SLC44A1: variants seen among roughly 807,000 people sequenced by gnomAD.
SLC44A1 encodes the protein solute carrier family 44 member 1.
SLC44A1 carries 26 observed loss-of-function variants against 79.3 expected under a neutral mutation model. The observed-to-expected ratio is 0.33, with a 90% CI of 0.24 to 0.46. The LOEUF (loss-of-function observed/expected upper bound fraction) is 0.46, where lower values mean the gene tolerates loss of function less well. SLC44A1 is among the 20% of genes least tolerant of loss of function. The probability of loss-of-function intolerance (pLI) is 1.00; values close to 1 mark genes in which losing one functional copy is unlikely to be tolerated. For missense variants in SLC44A1, 688 were observed against 798.1 expected (o/e 0.86, Z 1.66); for synonymous variants, 263 against 286.2 (o/e 0.92, Z 0.82).
chr9:105,428,853 G>A (rs1329721625), intron 15 of SLC44A1, among the ~76,000 whole-genome samples: 3 of 152,038 alleles, frequency 2.0e-5, no homozygotes, highest in Non-Finnish European at 4.4e-5. Context: ...CTACAGGCAC[G>A]CGCCACCACG....
chr9:105,329,241 A>C (rs2131347381), intron 3 of SLC44A1, among the ~76,000 whole-genome samples: 1 of 152,364 alleles, frequency 6.6e-6, no homozygotes, highest in East Asian at 1.9e-4. Flanking sequence ...GAAAATGATC[A>C]GACTCCATTT....
At chr9:105,305,796 A>C (rs1003490559) in intron 2 of SLC44A1, among the ~76,000 whole-genome samples, 3 of 150,786 alleles carry the variant, frequency 2.0e-5, no homozygotes, top group African/African-American at 7.3e-5. Context: ...ACTTAGTAAA[A>C]GCTCTATGTG....
chr9:105,299,329 T>C lies in SLC44A1; in HGVS notation c.126+20T>C, dbSNP rs1381955826. The C allele has an allele frequency of 1.3e-6, 2 of 1,508,352 alleles. No homozygotes were observed. The highest frequency in any genetic ancestry group is 2.8e-5 in the African/African-American group (2 of 70,266). The allele number at this position is 1,508,352 out of a possible 1,614,324, so 93.4% of individuals were successfully genotyped here. ...GGGATGGTAAGGAAACTCTCACAGA[T>C]GGTCCAAACTGGACTCATGATCCAA... On this transcript the variant is annotated intron_variant, in intron 2 of 15. Coordinates refer to ENST00000374720, the MANE Select transcript of SLC44A1 (RefSeq NM_080546.5).
intron 3 of SLC44A1, among the ~76,000 whole-genome samples, chr9:105,316,822 A>G (rs1321781047): frequency 6.6e-6 from 1 of 152,226 alleles, no homozygotes; most frequent in Non-Finnish European, 1.5e-5. Context: ...TACTTTCCTA[A>G]TGTTGCTGTA....
At position 105,378,980 on chromosome 9, in the gene SLC44A1, G is replaced by T. The variant is rs921173148; in HGVS notation, c.1633-4143G>T. 1.1e-4 allele frequency among the ~76,000 whole-genome samples: 16 copies of T among 152,306 alleles called. No individual in the cohort carries two copies. In the East Asian group the frequency reaches 3.1e-3, roughly 29 times the overall value. On this transcript the variant is annotated intron_variant, in intron 13 of 15. Transcript: ENST00000374720. The stretch of plus-strand genomic sequence containing the variant: ...GAAGATTAATTCCATTTATATAATA[G>T]AAATGACAACAGGGCTGGGCTCTGT...
intron 7 of SLC44A1, 42 bp downstream of exon 7, chr9:105,358,475 C>A: frequency 1.0e-6 from 1 of 985,192 alleles, no homozygotes; most frequent in Non-Finnish European, 1.6e-6. Context: ...AGCCTCTTAA[C>A]TACTTTGGTA....
At chr9:105,334,647 G>C (rs1826855414) in intron 3 of SLC44A1, among the ~76,000 whole-genome samples, 1 of 152,112 alleles carries the variant, frequency 6.6e-6, no homozygotes, top group African/African-American at 2.4e-5. Flanking sequence ...CTTGATCCGT[G>C]TTATTGCACT....
At chr9:105,270,924 G>C (rs112631562) in intron 1 of SLC44A1, among the ~76,000 whole-genome samples, 4 of 152,298 alleles carry the variant, frequency 2.6e-5, no homozygotes, top group East Asian at 1.9e-4. Flanking sequence ...TGAGACAGGC[G>C]TTTCTGAACA....
At chr9:105,331,679 C>T (rs1392896461) in intron 3 of SLC44A1, among the ~76,000 whole-genome samples, 2 of 152,048 alleles carry the variant, frequency 1.3e-5, no homozygotes. Flanking sequence ...AAGCATGTTG[C>T]CATGGATTGG....
chr9:105,333,400 CA>C (rs1826814943), intron 3 of SLC44A1, among the ~76,000 whole-genome samples: 2 of 152,262 alleles, frequency 1.3e-5, no homozygotes, highest in South Asian at 4.1e-4. Flanking sequence ...AAACACACAA[CA>C]GAATTACTGT....
At chr9:105,425,371 A>G (rs1349960298) in intron 15 of SLC44A1, among the ~76,000 whole-genome samples, 1 of 152,232 alleles carries the variant, frequency 6.6e-6, no homozygotes, top group African/African-American at 2.4e-5. Flanking sequence ...TTTGTGATGA[A>G]ATGTCGTAAA....
At position 105,360,147 on chromosome 9, in the gene SLC44A1, A is replaced by G. The variant is rs1000839413; in HGVS notation, c.761-1044A>G. Reference sequence around the variant, plus strand: ...ACAATGGTCTTCTTTCTCTCATACTAGGCATGGTTCTACCTCAGTCTCTTT... The same window carrying G: ...ACAATGGTCTTCTTTCTCTCATACTGGGCATGGTTCTACCTCAGTCTCTTT... On this transcript the variant is annotated intron_variant, in intron 7 of 15. Transcript: ENST00000374720. Among the ~76,000 whole-genome samples the G allele has an allele frequency of 2.6e-5, 4 of 151,680 alleles. No individual in the cohort carries two copies. In the East Asian group the frequency reaches 7.8e-4, roughly 29 times the overall value.
chr9:105,319,068 T>C (rs1826300796), intron 3 of SLC44A1, among the ~76,000 whole-genome samples: 1 of 152,106 alleles, frequency 6.6e-6, no homozygotes, highest in Admixed American at 6.5e-5. Context: ...GCTTCAACTA[T>C]GAGTTTGATG....
chr9:105,392,890 C>A lies in SLC44A1; in HGVS notation c.*3834C>A. 2 of 985,304 alleles carry A rather than the reference C, an allele frequency of 2.0e-6. No individual in the cohort carries two copies. Among genetic ancestry groups the A allele is most frequent in the Non-Finnish European group, 2.4e-6 (2 of 829,812 alleles). The allele number at this position is 985,304 out of a possible 1,614,324, so 61.0% of individuals were successfully genotyped here. The stretch of plus-strand genomic sequence containing the variant: ...TAACATGGCCTCTGAGAAGTTTCCT[C>A]CAGAAAGGTCTTTAAGCTTTCGCTT... On this transcript the variant is annotated 3_prime_UTR_variant, in exon 16 of 16. Coordinates refer to ENST00000374720, the MANE Select transcript of SLC44A1 (RefSeq NM_080546.5).
intron 14 of SLC44A1, among the ~76,000 whole-genome samples, chr9:105,384,581 G>A (rs1054482588): frequency 3.9e-5 from 6 of 152,068 alleles, no homozygotes; most frequent in Non-Finnish European, 8.8e-5. Context: ...CTAAATTCTG[G>A]ACATTTTCTT....
intron 3 of SLC44A1, among the ~76,000 whole-genome samples, chr9:105,314,232 G>A (rs574969286): frequency 1.3e-5 from 2 of 152,210 alleles, no homozygotes; most frequent in South Asian, 4.2e-4. Flanking sequence ...GAGAAGATTG[G>A]GGTGAGGGCA....
At chr9:105,276,620 ATG>A (rs1307976817) in intron 1 of SLC44A1, among the ~76,000 whole-genome samples, 4 of 58,568 alleles carry the variant, frequency 6.8e-5, no homozygotes, top group African/African-American at 2.3e-4. Context: ...GTGTGTGTGT[ATG>A]TGCCTGCAGT....
chr9:105,264,295 C>A (rs753925191), intron 1 of SLC44A1, among the ~76,000 whole-genome samples: 1 of 152,098 alleles, frequency 6.6e-6, no homozygotes, highest in African/African-American at 2.4e-5. Flanking sequence ...TCCTGAATAG[C>A]GGGGACCACA....
At chr9:105,323,215 CAAAAAAA>C (rs575818228) in intron 3 of SLC44A1, among the ~76,000 whole-genome samples, 12 of 76,594 alleles carry the variant, frequency 1.6e-4, no homozygotes, top group South Asian at 1.2e-3. Flanking sequence ...AACTCCATCT[CAAAAAAA>C]AAAAAAAAAA....
Sources: gnomAD v4.1 joint callset for allele counts (sites outside exome capture counted in the v4.1 genomes callset) on GRCh38, gnomAD v4.1.1 for gene constraint, MANE v1.5 for transcripts, NCBI Gene and HGNC (gene_info 2026-07-23, HGNC 2026-07-21) for gene names.